The following PRRC2A variants were observed in gnomAD, a reference collection of about 807,000 sequenced individuals.
The protein encoded by PRRC2A is proline rich coiled-coil 2A, also known as protein PRRC2A.
A neutral mutation model predicts 224.6 loss-of-function variants in PRRC2A; 59 were observed. The observed-to-expected ratio is 0.26, with a 90% CI of 0.21 to 0.33. The LOEUF (loss-of-function observed/expected upper bound fraction) is 0.33. Among genes scored for constraint, PRRC2A ranks in the 10% least tolerant of loss-of-function variants. The pLI is 1.00. For missense variants in PRRC2A, 3,095 were observed against 2,880.7 expected (o/e 1.07, Z -1.70); for synonymous variants, 1,194 against 1,109.5 (o/e 1.08, Z -1.51).
Position 31,620,756 on chromosome 6 carries a change from A to C in PRRC2A, c.-203A>C, listed in dbSNP as rs1283941555. 6 of 151,604 alleles carry C rather than the reference A, an allele frequency of 4.0e-5. No individual in the cohort carries two copies. Among genetic ancestry groups the C allele is most frequent in the Admixed American group, 3.3e-4 (5 of 15,234 alleles). The allele number at this position is 151,604 out of a possible 1,614,324, so 9.4% of individuals were successfully genotyped here. On this transcript the variant is annotated 5_prime_UTR_variant, in exon 1 of 31. Coordinates refer to ENST00000376033, the MANE Select transcript of PRRC2A (RefSeq NM_004638.4). Reference sequence around the variant, plus strand: ...CGGAGTGAGCGAGGGAGACGGGAGGAGCCGAACCCGGCGCCATCCGCCGCC... The same window carrying C: ...CGGAGTGAGCGAGGGAGACGGGAGGCGCCGAACCCGGCGCCATCCGCCGCC...
Position 31,625,583 on chromosome 6 carries a change from C to T in PRRC2A, c.731C>T (p.Pro244Leu), listed in dbSNP as rs757503902. The change falls in exon 7 of 31, where the codon CCT becomes CTT. Residue 244 changes from proline to leucine, a missense_variant. By Grantham distance (98) the Pro-to-Leu change is moderately conservative (BLOSUM62 -3). Coordinates refer to ENST00000376033, the MANE Select transcript of PRRC2A (RefSeq NM_004638.4). The surrounding 1 kb of genome is among the most constrained non-coding windows in gnomAD (Gnocchi z 4.1). Reference protein sequence around the residue: ...GLQPSGPPQFPPYRGMMPPFM... With the variant: ...GLQPSGPPQFLPYRGMMPPFM... ...CAGCCTTCAGGCCCACCCCAGTTCC[C>T]TCCCTACCGCGGAATGATGCCGCCT... 7.6e-6 allele frequency: 12 copies of T among 1,569,898 alleles called. No homozygotes were observed. In the South Asian group the frequency reaches 1.2e-4, roughly 16 times the overall value.
chr6:31,633,068 TG>T, intron 16 of PRRC2A, 76 bp downstream of exon 16: 1 of 1,433,274 alleles, frequency 7.0e-7, no homozygotes, highest in Non-Finnish European at 9.1e-7. Flanking sequence ...AAGATAAGTT[TG>T]GGTGGAGTGG....
At position 31,629,860 on chromosome 6, in the gene PRRC2A, G is replaced by A; in HGVS notation, c.2254+15G>A. 1.2e-6 allele frequency: 2 copies of A among 1,612,848 alleles called. No homozygotes were observed. The highest frequency in any genetic ancestry group is 3.3e-4 in the Middle Eastern group (2 of 6,052). On this transcript the variant is annotated intron_variant, in intron 14 of 30. Coordinates refer to ENST00000376033, the MANE Select transcript of PRRC2A (RefSeq NM_004638.4). ...GCATCCCTCTGGTAAGGGGGCATGG[G>A]AGGAGTGAGAAACAGGAAAGTCCCC...
chr6:31,625,840 C>T lies in PRRC2A; in HGVS notation c.808C>T (p.Pro270Ser), dbSNP rs1775846232. 6.3e-7 allele frequency: 1 copy of T among 1,591,918 alleles called. No individual in the cohort carries two copies. The highest frequency in any genetic ancestry group is 1.3e-5 in the African/African-American group (1 of 74,484). ...PFPPPYGPQG[P>S]YRYPTPDGPS... Reference sequence around the variant, plus strand: ...CCCTCCGCCCTATGGACCCCAGGGGCCTTACCGATACCCCACTCCTGATGG... The same window carrying T: ...CCCTCCGCCCTATGGACCCCAGGGGTCTTACCGATACCCCACTCCTGATGG... Residue 270 changes from proline to serine, a missense_variant, in exon 8 of 31, where the codon CCT becomes TCT. Pro to Ser is a moderately conservative substitution (Grantham distance 74, BLOSUM62 -1). Coordinates refer to ENST00000376033, the MANE Select transcript of PRRC2A (RefSeq NM_004638.4). The surrounding 1 kb of genome is among the most constrained non-coding windows in gnomAD (Gnocchi z 4.1).
intron 12 of PRRC2A, chr6:31,628,919 CTGT>C (rs777212319): frequency 2.2e-5 from 12 of 542,178 alleles, no homozygotes; most frequent in South Asian, 9.7e-5. Flanking sequence ...GAAGAAAGTA[CTGT>C]TGTTCTAATG....
At position 31,632,666 on chromosome 6, in the gene PRRC2A, C is replaced by G; in HGVS notation, c.3993C>G (p.Thr1331=). ...CTGCATCAGAGAGCAGTGACTTCACCAGTGAGCGCCGAGGGGACAAAGAGG... is the reference window on the plus strand; with the variant it reads ...CTGCATCAGAGAGCAGTGACTTCACGAGTGAGCGCCGAGGGGACAAAGAGG... The part of the protein sequence containing the change: ...WETASESSDF[T]SERRGDKEAP... Residue 1331 remains threonine, a synonymous_variant, in exon 16 of 31, where the codon ACC becomes ACG. Coordinates refer to ENST00000376033, the MANE Select transcript of PRRC2A (RefSeq NM_004638.4). The G allele has an allele frequency of 6.2e-7, 1 of 1,613,110 alleles. No homozygotes were observed. The highest frequency in any genetic ancestry group is 8.5e-7 in the Non-Finnish European group (1 of 1,180,038).
intron 5 of PRRC2A, chr6:31,624,806 T>C (rs1007601565): frequency 7.9e-5 from 41 of 518,510 alleles, no homozygotes; most frequent in African/African-American, 7.6e-4. Context: ...CCTTCCACTT[T>C]TTTTTTTTTT....
rs1775595752 is a variant in PRRC2A at position 31,623,905 on chromosome 6, A to G, written c.286A>G (p.Lys96Glu). Reference protein sequence around the residue: ...WASKQEQSDPKSSDASTAQPP... With the variant: ...WASKQEQSDPESSDASTAQPP... ...AAGCAAACAGGAGCAGTCCGACCCC[A>G]AGAGGTAGACAGAGGCTTGGGGGAC... Residue 96 changes from lysine (K) to glutamate (E), a missense_variant, in exon 3 of 31, where the codon AAG (lysine) becomes GAG (glutamate). Transcript: ENST00000376033. 6.2e-7 allele frequency: 1 copy of G among 1,614,086 alleles called. No individual in the cohort carries two copies. Among genetic ancestry groups the G allele is most frequent in the Non-Finnish European group, 8.5e-7 (1 of 1,179,988 alleles).
At position 31,630,648 on chromosome 6, in the gene PRRC2A, G is replaced by A. The variant is rs779078330; in HGVS notation, c.2312G>A (p.Arg771His). ...GGCTCAAGCTCAGAGCCATTTGACC[G>A]TCATGCACCTGCTATGTTACGGGAA... ...SGGSSSEPFD[R>H]HAPAMLRERG... Residue 771 changes from arginine to histidine, a missense_variant, in exon 15 of 31, where the codon CGT (arginine) becomes CAT (histidine). Transcript: ENST00000376033. 5.1e-5 allele frequency: 83 copies of A among 1,613,998 alleles called. No homozygotes were observed. The highest frequency in any genetic ancestry group is 6.7e-5 in the Admixed American group (4 of 59,998).
rs775407037 is a variant in PRRC2A at position 31,632,269 on chromosome 6, C to T, written c.3596C>T (p.Thr1199Ile). 2 of 1,613,082 alleles carry T rather than the reference C, an allele frequency of 1.2e-6. No individual in the cohort carries two copies. Among genetic ancestry groups the T allele is most frequent in the Non-Finnish European group, 1.7e-6 (2 of 1,180,018 alleles). ...AKSLAPKKPP[T>I]GPLPPSKEPL... ...TCTCTGGCTCCCAAGAAACCTCCCA[C>T]AGGCCCTTTGCCACCAAGTAAGGAG... The change falls in exon 16 of 31, where the codon ACA becomes ATA. Residue 1199 changes from threonine to isoleucine, a missense_variant. Thr to Ile is a moderately conservative substitution (Grantham distance 89). Coordinates refer to ENST00000376033, the MANE Select transcript of PRRC2A (RefSeq NM_004638.4).
At chr6:31,634,713 T>C in intron 20 of PRRC2A, 40 bp from the exon 21 acceptor site, 2 of 1,596,620 alleles carry the variant, frequency 1.3e-6, no homozygotes, top group Non-Finnish European at 1.7e-6. Flanking sequence ...TGGGGTGCTT[T>C]CTACCCTGAC....
chr6:31,631,745 G>C lies in PRRC2A; in HGVS notation c.3072G>C (p.Arg1024=), dbSNP rs754123587. ...SYERVGPTSC[R]GRGRGEYFAR... ...AAAGAGTGGGTCCTACCTCTTGCCG[G>C]GGTCGGGGCCGAGGCGAGTATTTTG... Residue 1024 remains arginine (R), a synonymous_variant, in exon 16 of 31, where the codon CGG becomes CGC. Coordinates refer to ENST00000376033, the MANE Select transcript of PRRC2A (RefSeq NM_004638.4). The surrounding 1 kb of genome is among the most constrained non-coding windows in gnomAD (Gnocchi z 4.5). 1.8e-5 allele frequency: 28 copies of C among 1,532,682 alleles called. 1 individual carries two copies. The African/African-American group carries it at 2.8e-4, about 15-fold the overall frequency. The allele number at this position is 1,532,682 out of a possible 1,614,324, so 94.9% of individuals were successfully genotyped here. A position where few individuals can be genotyped will look rare whatever the true frequency, so the allele number is the denominator to read the frequency against.
chr6:31,632,333 T>C lies in PRRC2A; in HGVS notation c.3660T>C (p.Pro1220=), dbSNP rs2150522880. Residue 1220 remains proline (P), a synonymous_variant, in exon 16 of 31, where the codon CCT becomes CCC. Coordinates refer to ENST00000376033, the MANE Select transcript of PRRC2A (RefSeq NM_004638.4). ...KEKLIPGPLS[P]VARGGSNGGS... ...AGTTGATCCCAGGGCCTCTGTCCCC[T>C]GTGGCGCGCGGAGGCAGCAATGGAG... 6.2e-7 allele frequency: 1 copy of C among 1,613,388 alleles called. No individual in the cohort carries two copies. Among genetic ancestry groups the C allele is most frequent in the Non-Finnish European group, 8.5e-7 (1 of 1,179,994 alleles).
Position 31,631,883 on chromosome 6 carries a change from A to C in PRRC2A, c.3210A>C (p.Thr1070=), listed in dbSNP as rs574075964. 1 of 1,610,890 alleles carries C rather than the reference A, an allele frequency of 6.2e-7. No individual in the cohort carries two copies. Among genetic ancestry groups the C allele is most frequent in the Non-Finnish European group, 8.5e-7 (1 of 1,179,188 alleles). Residue 1070 remains threonine, a synonymous_variant, in exon 16 of 31, where the codon ACA becomes ACC. Transcript: ENST00000376033. This position sits in a 1 kb window ranked among gnomAD's most constrained non-coding sequence, Gnocchi z 4.5. ...GAGATGATGGGCGTGGAGGTGGGAC[A>C]GGGGGACCAAACCACCCTCCTGCTC... ...FRGDDGRGGG[T]GGPNHPPAPR...
chr6:31,627,693 T>G lies in PRRC2A; in HGVS notation c.1291-72T>G. On this transcript the variant is annotated intron_variant, in intron 11 of 30. Transcript: ENST00000376033. This position sits in a 1 kb window ranked among gnomAD's most constrained non-coding sequence, Gnocchi z 5.6. ...CATCCTGCAAGTAGCGACAGTTGATTTGTTGTAAAAGAGATGATAGAAAGC... is the reference window on the plus strand; with the variant it reads ...CATCCTGCAAGTAGCGACAGTTGATGTGTTGTAAAAGAGATGATAGAAAGC... The G allele has an allele frequency of 6.5e-7, 1 of 1,542,972 alleles. No homozygotes were observed. Among genetic ancestry groups the G allele is most frequent in the Non-Finnish European group, 8.8e-7 (1 of 1,141,430 alleles).
At chr6:31,634,064 T>G in intron 18 of PRRC2A, 75 bp downstream of exon 18, 3 of 1,581,436 alleles carry the variant, frequency 1.9e-6, no homozygotes, top group South Asian at 2.3e-5. Context: ...GTTTTCTCTG[T>G]TTTCTTTCCT....
intron 9 of PRRC2A, 70 bp from the exon 10 acceptor site, chr6:31,626,702 T>C: frequency 7.4e-7 from 1 of 1,354,414 alleles, no homozygotes; most frequent in Non-Finnish European, 1.0e-6. Flanking sequence ...TCTTGTTACA[T>C]AGTTCCAGAC....
chr6:31,629,939 T>A, intron 14 of PRRC2A, 94 bp downstream of exon 14: 4 of 1,547,290 alleles, frequency 2.6e-6, no homozygotes, highest in South Asian at 1.2e-5. Flanking sequence ...TACGATAGGT[T>A]TTGCCCATCA....
In PRRC2A at chr6:31,625,865, G is replaced by A; in HGVS notation, c.833G>A (p.Gly278Glu). ...QGPYRYPTPD[G>E]PSRFPRVAGP... ...CCTTACCGATACCCCACTCCTGATG[G>A]GCCCAGGTGAGCAATCCAGGTCTGG... Residue 278 changes from glycine to glutamate, a missense_variant, in exon 8 of 31, where the codon GGG (glycine) becomes GAG (glutamate). Gly to Glu is a moderately conservative substitution (Grantham distance 98). Around this residue, in one of 8 missense-constraint regions of PRRC2A, gnomAD observed 287 missense variants for 275.3 expected, o/e 1.04. Coordinates refer to ENST00000376033, the MANE Select transcript of PRRC2A (RefSeq NM_004638.4). The surrounding 1 kb of genome is among the most constrained non-coding windows in gnomAD (Gnocchi z 4.1). 6.3e-7 allele frequency: 1 copy of A among 1,587,214 alleles called. No homozygotes were observed. Among genetic ancestry groups the A allele is most frequent in the Non-Finnish European group, 8.6e-7 (1 of 1,156,754 alleles).
Sources: gnomAD v4.1 joint callset for allele counts on GRCh38, gnomAD v4.1.1 for gene constraint, gnomAD v4.1.1 regional missense constraint, Gnocchi (gnomAD v3.1) non-coding constraint, MANE v1.5 for transcripts, NCBI Gene and HGNC (gene_info 2026-07-23, HGNC 2026-07-21) for gene names.